Variants in GLE1 observed in about 807,000 individuals in gnomAD.
The protein encoded by GLE1 is mRNA export factor GLE1.
GLE1 carries 78 observed loss-of-function variants against 97.3 expected under a neutral mutation model. The ratio of observed to expected loss-of-function variants is 0.80; its 90% CI spans 0.67 to 0.97. GLE1 has a LOEUF of 0.97. Among genes scored for constraint, GLE1 ranks in the 50% least tolerant of loss-of-function variants. The pLI is 0.00. For missense variants in GLE1, 753 were observed against 857.5 expected, an observed-to-expected ratio of 0.88 and a Z score of 1.52; for synonymous variants, 302 against 313.4, an observed-to-expected ratio of 0.96 and a Z score of 0.39.
chr9:128,526,959 A>C (rs761152859), intron 7 of GLE1, among the ~76,000 whole-genome samples: 5 of 152,170 alleles, frequency 3.3e-5, no homozygotes, highest in Non-Finnish European at 7.4e-5. Context: ...ACCCAGCCTT[A>C]GTTTTTCTAC....
chr9:128,534,718 A>ATT (rs978222035), intron 11 of GLE1, among the ~76,000 whole-genome samples: 6 of 151,084 alleles, frequency 4.0e-5, no homozygotes, highest in African/African-American at 1.5e-4. Flanking sequence ...CATATTTTTT[A>ATT]TTTTTTTTAT....
chr9:128,525,258 C>T lies in GLE1; in HGVS notation c.964C>T (p.Leu322=). ...AGCTCTGCGGGAAATGCGGGACCTC[C>T]TGATGAACTTGGGGCAGGAGATCAC... is the stretch of plus-strand genomic sequence containing the variant. ...ERALREMRDL[L]MNLGQEITRA... The change falls in exon 7 of 16, where the codon CTG becomes TTG. Residue 322 remains leucine, a synonymous_variant. Transcript: ENST00000309971. 1.2e-6 allele frequency: 2 copies of T among 1,614,152 alleles called. No individual in the cohort carries two copies. The highest frequency in any genetic ancestry group is 1.7e-6 in the Non-Finnish European group (2 of 1,180,032).
chr9:128,523,524 T>G, intron 5 of GLE1, 68 bp from the exon 6 acceptor site: 1 of 1,590,464 alleles, frequency 6.3e-7, no homozygotes, highest in Non-Finnish European at 8.6e-7. Context: ...CCACGTAGAA[T>G]TTGAGGACTG....
chr9:128,514,268 G>A (rs1469698057), intron 2 of GLE1, among the ~76,000 whole-genome samples: 1 of 149,990 alleles, frequency 6.7e-6, no homozygotes, highest in Admixed American at 6.7e-5. Context: ...GAAGCTGGAA[G>A]GTCCAGGCTG....
chr9:128,517,679 A>G (rs936974699), intron 3 of GLE1, among the ~76,000 whole-genome samples: 8 of 150,404 alleles, frequency 5.3e-5, no homozygotes, highest in Non-Finnish European at 1.2e-4. Flanking sequence ...TATATGTCCT[A>G]TTCTTTCTTT....
chr9:128,506,024 C>A (rs1354764630), intron 1 of GLE1, among the ~76,000 whole-genome samples: 3 of 152,012 alleles, frequency 2.0e-5, no homozygotes, highest in Admixed American at 2.0e-4. Flanking sequence ...TTTTAAATGT[C>A]CCAGATTTTG....
intron 7 of GLE1, 49 bp from the exon 8 acceptor site, chr9:128,527,130 A>G (rs1343942296): frequency 2.1e-6 from 2 of 960,108 alleles, no homozygotes; most frequent in East Asian, 4.8e-5. Context: ...CTCATATTAC[A>G]TGTTCAGTAA....
chr9:128,506,658 C>T (rs1846648749), intron 1 of GLE1, among the ~76,000 whole-genome samples: 1 of 152,086 alleles, frequency 6.6e-6, no homozygotes, highest in African/African-American at 2.4e-5. Flanking sequence ...GATTGGGTAC[C>T]ATTGCTTCTA....
chr9:128,533,469 T>C (rs1847590413), intron 9 of GLE1, 44 bp from the exon 10 acceptor site: 2 of 1,455,038 alleles, frequency 1.4e-6, no homozygotes, highest in African/African-American at 1.4e-5. Context: ...GAAAAAGAGA[T>C]TGATCTGTGG....
intron 2 of GLE1, among the ~76,000 whole-genome samples, chr9:128,513,947 G>A (rs1564144548): frequency 6.6e-6 from 1 of 150,820 alleles, no homozygotes; most frequent in Non-Finnish European, 1.5e-5. Context: ...GAACCCGGGA[G>A]GCAGAGCTTG....
chr9:128,532,209 C>CTTTTTTTTTTTT lies in GLE1; in HGVS notation c.1313-1288_1313-1277dup, dbSNP rs1160924908. On this transcript the variant is annotated intron_variant, in intron 9 of 15. Coordinates refer to ENST00000309971, the MANE Select transcript of GLE1 (RefSeq NM_001003722.2). ...TGGAAAGTAATTCAGATCTGCTTTGCTTTTTTTTTTTTTTTTTTTTTTTTT... is the reference window on the plus strand; with the variant it reads ...TGGAAAGTAATTCAGATCTGCTTTGCTTTTTTTTTTTTTTTTTTTTTTTTTTTTTTTTTTTTT... 1.2e-3 allele frequency among the ~76,000 whole-genome samples: 61 copies of CTTTTTTTTTTTT among 49,386 alleles called. 3 individuals are homozygous for CTTTTTTTTTTTT. Among genetic ancestry groups the CTTTTTTTTTTTT allele is most frequent in the East Asian group, 0.011 (17 of 1,530 alleles). 32.4% of individuals were successfully genotyped at this position (49,386 alleles called of 152,430 possible).
rs781331353 is a variant in GLE1, at chr9:128,504,771, A to AG, written c.-29dup. 2.9e-6 allele frequency: 4 copies of AG among 1,368,326 alleles called. No individual in the cohort carries two copies. The highest frequency in any genetic ancestry group is 1.8e-4 in the Middle Eastern group (1 of 5,596). The allele number at this position is 1,368,326 out of a possible 1,614,324, so 84.8% of individuals were successfully genotyped here. A position where few individuals can be genotyped will look rare whatever the true frequency, so the allele number is the denominator to read the frequency against. ...TGATTCGAGGGCTTGTTTGGTCAGAAGGGGGGCGTCAGAGAAGCTGCCCCT... is the reference window on the plus strand; with the variant it reads ...TGATTCGAGGGCTTGTTTGGTCAGAAGGGGGGGCGTCAGAGAAGCTGCCCCT... On this transcript the variant is annotated 5_prime_UTR_variant, in exon 1 of 16. Coordinates refer to ENST00000309971, the MANE Select transcript of GLE1 (RefSeq NM_001003722.2).
Position 128,536,380 on chromosome 9 carries a change from T to A in GLE1, c.1672T>A (p.Ser558Thr). ...GATGCTTGGTTACCAAGTAAAGGAT[T>A]CCAAAGTGGAGCAGCAAGACAACTT... ...QRMLGYQVKD[S>T]KVEQQDNFLK... is the part of the protein sequence containing the mutation. Residue 558 changes from serine (S) to threonine (T), a missense_variant, in exon 12 of 16, where the codon TCC (serine) becomes ACC (threonine). Physicochemically the swap from Ser to Thr is moderately conservative, Grantham distance 58. Transcript: ENST00000309971. 1 of 1,613,854 alleles carries A rather than the reference T, an allele frequency of 6.2e-7. No homozygotes were observed. Among genetic ancestry groups the A allele is most frequent in the South Asian group, 1.1e-5 (1 of 91,080 alleles).
intron 6 of GLE1, among the ~76,000 whole-genome samples, chr9:128,524,606 C>T (rs1032585185): frequency 4.0e-5 from 5 of 124,106 alleles, no homozygotes; most frequent in African/African-American, 1.3e-4. Flanking sequence ...GGCTGGAGTG[C>T]AGTGGTGTGA....
At chr9:128,522,568 T>G (rs1847180199) in intron 3 of GLE1, 100 bp from the exon 4 acceptor site, 1 of 1,332,376 alleles carries the variant, frequency 7.5e-7, no homozygotes, top group Non-Finnish European at 1.0e-6. Context: ...CAAGAATCGC[T>G]TGAACCCGGG....
intron 9 of GLE1, among the ~76,000 whole-genome samples, chr9:128,531,864 A>G (rs1245952011): frequency 1.3e-5 from 2 of 149,504 alleles, no homozygotes; most frequent in Admixed American, 1.3e-4. Flanking sequence ...ATGGATGTCC[A>G]TGAGTGGTTA....
At chr9:128,533,725 A>G in intron 10 of GLE1, 36 bp from the exon 11 acceptor site, 1 of 1,612,932 alleles carries the variant, frequency 6.2e-7, no homozygotes, top group Non-Finnish European at 8.5e-7. Flanking sequence ...TTTTTCTGGT[A>G]TTAAGTTAAA....
intron 13 of GLE1, 141 bp downstream of exon 13, chr9:128,538,231 C>G (rs1268178654): frequency 1.4e-6 from 1 of 690,886 alleles, no homozygotes; most frequent in Admixed American, 2.0e-5. Flanking sequence ...ACATTTTTCC[C>G]AAGCTGTAGA....
At chr9:128,506,650 T>C (rs1846648325) in intron 1 of GLE1, among the ~76,000 whole-genome samples, 1 of 152,192 alleles carries the variant, frequency 6.6e-6, no homozygotes, top group African/African-American at 2.4e-5. Flanking sequence ...AGATTCTTGA[T>C]TGGGTACCAT....
Sources: allele counts gnomAD v4.1 joint callset (sites outside exome capture counted in the v4.1 genomes callset), GRCh38; gene constraint gnomAD v4.1.1; transcripts MANE v1.5; gene names NCBI Gene and HGNC (gene_info 2026-07-23, HGNC 2026-07-21).